Variants in TANC2 observed in about 807,000 individuals in gnomAD.
TANC2 encodes the protein protein TANC2.
TANC2 carries 26 observed loss-of-function variants against 210.5 expected under a neutral mutation model. The ratio of observed to expected loss-of-function variants is 0.12; its 90% CI spans 0.09 to 0.17. The LOEUF (loss-of-function observed/expected upper bound fraction) is 0.17. Among genes scored for constraint, TANC2 ranks in the 10% least tolerant of loss-of-function variants. The probability of loss-of-function intolerance (pLI) is 1.00; values close to 1 mark genes in which losing one functional copy is unlikely to be tolerated. For synonymous variants in TANC2, 931 were observed against 967.1 expected (o/e 0.96, Z 0.69); for missense variants, 2,129 against 2,608.9 (o/e 0.82, Z 4.01).
At chr17:63,254,773 A>G (rs746940860) in intron 8 of TANC2, among the ~76,000 whole-genome samples, 3 of 152,188 alleles carry the variant, frequency 2.0e-5, no homozygotes, top group Admixed American at 6.5e-5. Context: ...ATGGTGTAGC[A>G]CATTGATTGA....
intron 11 of TANC2, among the ~76,000 whole-genome samples, chr17:63,326,662 A>G (rs997806853): frequency 5.9e-5 from 9 of 152,028 alleles, no homozygotes; most frequent in African/African-American, 2.2e-4. Flanking sequence ...CCCAAGAGGT[A>G]TGGGCTGCAG....
At chr17:63,106,772 TA>T (rs2037840359) in intron 4 of TANC2, among the ~76,000 whole-genome samples, 1 of 151,802 alleles carries the variant, frequency 6.6e-6, no homozygotes, top group African/African-American at 2.4e-5. Context: ...TCTCTTTTTA[TA>T]TTTAACCTGT....
chr17:63,412,144 A>G lies in TANC2; in HGVS notation c.3898+14A>G. 6.2e-7 allele frequency: 1 copy of G among 1,613,974 alleles called. No homozygotes were observed. Among genetic ancestry groups the G allele is most frequent in the Non-Finnish European group, 8.5e-7 (1 of 1,179,878 alleles). On this transcript the variant is annotated intron_variant, in intron 23 of 27. Transcript: ENST00000689528. This position sits in a 1 kb window ranked among gnomAD's most constrained non-coding sequence, Gnocchi z 4.2. The stretch of plus-strand genomic sequence containing the variant: ...GAGCCAAGATAGGTAGGAGAAGGGA[A>G]GAGGATGTTGGCCATCTGTGCCCAG...
At chr17:63,215,834 CCACCTCCTGGGTT>C (rs2042011898) in intron 7 of TANC2, among the ~76,000 whole-genome samples, 1 of 152,052 alleles carries the variant, frequency 6.6e-6, no homozygotes, top group African/African-American at 2.4e-5. Context: ...ACTGCAAGCT[CCACCTCCTGGGTT>C]CACGCCATTC....
intron 9 of TANC2, among the ~76,000 whole-genome samples, chr17:63,278,947 G>C (rs1203085666): frequency 6.6e-6 from 1 of 152,102 alleles, no homozygotes; most frequent in African/African-American, 2.4e-5. Context: ...GGGGGAAAGA[G>C]GAAATGGGGA....
intron 14 of TANC2, among the ~76,000 whole-genome samples, chr17:63,369,762 C>T (rs545516574): frequency 2.0e-5 from 3 of 151,750 alleles, no homozygotes; most frequent in South Asian, 2.1e-4. Flanking sequence ...CCCACCATGC[C>T]GGGCTAATTT....
chr17:63,075,148 C>T (rs2036526621), intron 3 of TANC2, among the ~76,000 whole-genome samples: 1 of 151,982 alleles, frequency 6.6e-6, no homozygotes, highest in Non-Finnish European at 1.5e-5. Context: ...CTCTTATTTT[C>T]CCTGTAAACA....
At chr17:63,096,461 A>C (rs1369010737) in intron 3 of TANC2, among the ~76,000 whole-genome samples, 1 of 152,154 alleles carries the variant, frequency 6.6e-6, no homozygotes, top group Non-Finnish European at 1.5e-5. Context: ...CAGATTGTGG[A>C]TTTGCCTCTC....
intron 4 of TANC2, among the ~76,000 whole-genome samples, chr17:63,134,399 A>C (rs2039020317): frequency 6.6e-6 from 1 of 152,120 alleles, no homozygotes; most frequent in Non-Finnish European, 1.5e-5. Flanking sequence ...TAAATCTTTT[A>C]CCTTGAGAGG....
rs1300191282 is a variant in TANC2, at chr17:63,420,572, C to T, written c.4842C>T (p.Ser1614=). The change falls in exon 28 of 28, where the codon AGC becomes AGT. Residue 1614 remains serine (S), a synonymous_variant. Coordinates refer to ENST00000689528, the Ensembl canonical transcript of TANC2. This position sits in a 1 kb window ranked among gnomAD's most constrained non-coding sequence, Gnocchi z 4.2. ...GAGGACAGGGCAAAGAATACCCAAG[C>T]CCTCCCCCTTCCCCTCTCCGGAGAG... 1.2e-6 allele frequency: 2 copies of T among 1,613,788 alleles called. No homozygotes were observed. The highest frequency in any genetic ancestry group is 1.7e-6 in the Non-Finnish European group (2 of 1,179,858).
chr17:63,041,597 T>A (rs1354846650), intron 2 of TANC2, among the ~76,000 whole-genome samples: 1 of 152,202 alleles, frequency 6.6e-6, no homozygotes, highest in Non-Finnish European at 1.5e-5. Flanking sequence ...TTTTATTTTT[T>A]GCTTTGCTTG....
At chr17:63,281,814 A>T (rs2044067445) in intron 9 of TANC2, among the ~76,000 whole-genome samples, 1 of 152,134 alleles carries the variant, frequency 6.6e-6, no homozygotes, top group Non-Finnish European at 1.5e-5. Context: ...ACAGAAGTAC[A>T]CAAGGAAGGG....
chr17:63,141,450 C>T (rs1348932085), intron 4 of TANC2, among the ~76,000 whole-genome samples: 1 of 145,052 alleles, frequency 6.9e-6, no homozygotes, highest in Non-Finnish European at 1.5e-5. Context: ...AGCTGTAATC[C>T]CAGCTACTCC....
chr17:63,204,005 T>C (rs1280890166), intron 7 of TANC2, among the ~76,000 whole-genome samples: 2 of 152,178 alleles, frequency 1.3e-5, no homozygotes, highest in Admixed American at 6.5e-5. Context: ...AAAATACATA[T>C]TTATTTGTTT....
At chr17:63,082,879 T>G (rs2036830875) in intron 3 of TANC2, among the ~76,000 whole-genome samples, 2 of 152,230 alleles carry the variant, frequency 1.3e-5, no homozygotes, top group African/African-American at 4.8e-5. Context: ...CTGCTGTGTT[T>G]GCTCTTTGTC....
intron 4 of TANC2, 34 bp downstream of exon 4, chr17:63,099,391 A>G: frequency 7.0e-7 from 1 of 1,433,310 alleles, no homozygotes; most frequent in Non-Finnish European, 9.3e-7. Context: ...TATGTTTAAC[A>G]GGAAACCTAA....
chr17:63,049,570 G>A (rs2035503337), intron 2 of TANC2, among the ~76,000 whole-genome samples: 1 of 152,192 alleles, frequency 6.6e-6, no homozygotes, highest in South Asian at 2.1e-4. Context: ...AGAAAAGTCA[G>A]AGAGCAAGAG....
chr17:63,290,766 G>C (rs527447449), intron 9 of TANC2, among the ~76,000 whole-genome samples: 1 of 152,206 alleles, frequency 6.6e-6, no homozygotes, highest in African/African-American at 2.4e-5. Context: ...AAATTTTTAA[G>C]AAGAATGTTA....
chr17:63,384,811 G>A (rs183294727), intron 15 of TANC2, among the ~76,000 whole-genome samples: 214 of 152,300 alleles, frequency 1.4e-3, no homozygotes, highest in South Asian at 5.6e-3. Context: ...GGAGAAGAGG[G>A]CCAAGGATGG....
Sources: gnomAD v4.1 joint callset for allele counts (sites outside exome capture counted in the v4.1 genomes callset) on GRCh38, gnomAD v4.1.1 for gene constraint, Gnocchi (gnomAD v3.1) non-coding constraint, MANE v1.5 for transcripts, NCBI Gene and HGNC (gene_info 2026-07-23, HGNC 2026-07-21) for gene names.